The following ERN1 variants were observed in gnomAD, a reference collection of about 807,000 sequenced individuals.
ERN1 encodes the protein serine/threonine-protein kinase/endoribonuclease IRE1.
A neutral mutation model predicts 113.1 loss-of-function variants in ERN1; 39 were observed. The observed-to-expected ratio is 0.34, with a 90% CI of 0.27 to 0.45. The LOEUF (loss-of-function observed/expected upper bound fraction) is 0.45. Ranked by LOEUF, ERN1 falls within the 20% of genes least tolerant of loss-of-function variation. The pLI is 1.00. For missense variants in ERN1, 976 were observed against 1,274.8 expected (o/e 0.77, Z 3.57); for synonymous variants, 507 against 515.9 (o/e 0.98, Z 0.23).
rs543520401 is a variant in ERN1, at chr17:64,073,574, C to T, written c.356-1471G>A. 5.3e-5 allele frequency among the ~76,000 whole-genome samples: 8 copies of T among 152,176 alleles called. 1 individual carries two copies. Among genetic ancestry groups the T allele is most frequent in the African/African-American group, 1.9e-4 (8 of 41,516 alleles). On this transcript the variant is annotated intron_variant, in intron 5 of 21. Transcript: ENST00000433197. ...TGGTGCAATCTCAGCTCACTGCAACCTCCGCCTCCAGGGTTCAAGCGATAC... is the reference window on the plus strand; with the variant it reads ...TGGTGCAATCTCAGCTCACTGCAACTTCCGCCTCCAGGGTTCAAGCGATAC...
rs77359545 is a variant in ERN1 at position 64,066,012 on chromosome 17, C to T, written c.842+659G>A. Among the ~76,000 whole-genome samples the T allele has an allele frequency of 3.5e-4, 53 of 152,160 alleles. No individual in the cohort carries two copies. In the East Asian group the frequency reaches 0.01, roughly 29 times the overall value. ...GCTGTTTTACAATCTAAACACTTGC[C>T]GGCATATTATCTTGTTTGATCTTCC... On this transcript the variant is annotated intron_variant, in intron 8 of 21. Transcript: ENST00000433197.
At chr17:64,060,962 G>A (rs910586663) in intron 10 of ERN1, among the ~76,000 whole-genome samples, 1 of 152,104 alleles carries the variant, frequency 6.6e-6, no homozygotes, top group Non-Finnish European at 1.5e-5. Context: ...GCTTTTTCCT[G>A]TAACATCACT....
chr17:64,052,799 T>G lies in ERN1; in HGVS notation c.2234A>C (p.Glu745Ala). The change falls in exon 17 of 22, where the codon GAA (glutamate) becomes GCA (alanine). Residue 745 changes from glutamate to alanine, a missense_variant. Transcript: ENST00000433197. Reference protein sequence around the residue: ...EGWIAPEMLSEDCKENPTYTV... With the variant: ...EGWIAPEMLSADCKENPTYTV... ...ACTCACAGGGTTCTCCTTACAGTCTTCGCTCAGCATCTCTGGAGCGATCCA... is the reference window on the plus strand; with the variant it reads ...ACTCACAGGGTTCTCCTTACAGTCTGCGCTCAGCATCTCTGGAGCGATCCA... The G allele has an allele frequency of 6.2e-7, 1 of 1,613,964 alleles. No homozygotes were observed. Among genetic ancestry groups the G allele is most frequent in the Admixed American group, 1.7e-5 (1 of 60,024 alleles).
intron 2 of ERN1, among the ~76,000 whole-genome samples, chr17:64,094,237 G>A (rs1914166509): frequency 6.6e-6 from 1 of 152,168 alleles, no homozygotes. Context: ...TCACCGTCCT[G>A]GAAATCCAGT....
chr17:64,075,471 C>T (rs1016509533), intron 4 of ERN1, among the ~76,000 whole-genome samples: 26 of 152,216 alleles, frequency 1.7e-4, no homozygotes, highest in South Asian at 4.1e-4. Context: ...CTCATTCTGT[C>T]GCCCAGGCTG....
chr17:64,061,269 G>A (rs759272148), intron 10 of ERN1, among the ~76,000 whole-genome samples: 1 of 152,206 alleles, frequency 6.6e-6, no homozygotes, highest in African/African-American at 2.4e-5. Context: ...GGATTTGATA[G>A]GGCTTGATAA....
chr17:64,102,466 C>T (rs955518675), intron 1 of ERN1, among the ~76,000 whole-genome samples: 1 of 152,168 alleles, frequency 6.6e-6, no homozygotes, highest in Non-Finnish European at 1.5e-5. Flanking sequence ...TCAACTGTAC[C>T]AAATCGAAAC....
intron 16 of ERN1, 109 bp downstream of exon 16, chr17:64,053,163 G>C: frequency 1.0e-6 from 1 of 981,276 alleles, no homozygotes; most frequent in East Asian, 2.6e-5. Context: ...TGGTGATATA[G>C]CCAAGAGCTT....
chr17:64,063,969 G>A lies in ERN1; in HGVS notation c.1087+17C>T. The A allele has an allele frequency of 1.2e-6, 2 of 1,612,452 alleles. No individual in the cohort carries two copies. Among genetic ancestry groups the A allele is most frequent in the Non-Finnish European group, 1.7e-6 (2 of 1,178,998 alleles). Reference sequence around the variant, plus strand: ...GCACGCTGTCACCTCAGGCTACTGTGGGAGACCTGCTCTTACCTATCAGAA... The same window carrying A: ...GCACGCTGTCACCTCAGGCTACTGTAGGAGACCTGCTCTTACCTATCAGAA... On this transcript the variant is annotated intron_variant, in intron 10 of 21. Coordinates refer to ENST00000433197, the MANE Select transcript of ERN1 (RefSeq NM_001433.5). This position sits in a 1 kb window ranked among gnomAD's most constrained non-coding sequence, Gnocchi z 5.1.
chr17:64,077,768 T>C (rs533936106), intron 4 of ERN1, among the ~76,000 whole-genome samples: 84 of 151,182 alleles, frequency 5.6e-4, no homozygotes, highest in African/African-American at 2.0e-3. Flanking sequence ...TTTTTTGAGA[T>C]GGAGTCTCGC....
At chr17:64,055,574 C>T in intron 13 of ERN1, 101 bp downstream of exon 13, 1 of 1,126,982 alleles carries the variant, frequency 8.9e-7, no homozygotes, top group South Asian at 1.8e-5. Flanking sequence ...CACAGTGAAC[C>T]CCTGAGAATG....
chr17:64,101,017 C>T (rs919330103), intron 1 of ERN1, among the ~76,000 whole-genome samples: 3 of 152,144 alleles, frequency 2.0e-5, no homozygotes, highest in African/African-American at 7.2e-5. Flanking sequence ...ATAAATTCCC[C>T]TCTTTGCTTA....
chr17:64,103,279 T>C (rs1335254064), intron 1 of ERN1, among the ~76,000 whole-genome samples: 4 of 152,140 alleles, frequency 2.6e-5, no homozygotes, highest in African/African-American at 9.6e-5. Flanking sequence ...GGCGGATCAC[T>C]TGAGGTCAGG....
At chr17:64,117,456 G>C (rs1479838965) in intron 1 of ERN1, among the ~76,000 whole-genome samples, 1 of 151,262 alleles carries the variant, frequency 6.6e-6, no homozygotes, top group Non-Finnish European at 1.5e-5. Flanking sequence ...AAAAAAGAAA[G>C]AAAAAGAAAA....
chr17:64,067,951 C>T (rs1290967169), intron 7 of ERN1: 5 of 461,284 alleles, frequency 1.1e-5, no homozygotes, highest in East Asian at 7.0e-5. Flanking sequence ...GAGGGATGTC[C>T]TCCTTCCTCT....
intron 2 of ERN1, among the ~76,000 whole-genome samples, chr17:64,084,138 T>C (rs1043289914): frequency 6.6e-6 from 1 of 152,030 alleles, no homozygotes; most frequent in Non-Finnish European, 1.5e-5. Flanking sequence ...CACCAACGCC[T>C]CAGCCTCTGC....
chr17:64,043,029 G>C lies in ERN1; in HGVS notation c.*959C>G, dbSNP rs984684403. The C allele has an allele frequency of 2.0e-5, 3 of 152,348 alleles. No homozygotes were observed. The highest frequency in any genetic ancestry group is 4.4e-5 in the Non-Finnish European group (3 of 68,046). 9.4% of individuals were successfully genotyped at this position (152,348 alleles called of 1,614,324 possible). On this transcript the variant is annotated 3_prime_UTR_variant, in exon 22 of 22. Coordinates refer to ENST00000433197, the MANE Select transcript of ERN1 (RefSeq NM_001433.5). ...ACCCACCCTGGCCCTGACTCACCAC[G>C]AGCCTCTTGTTCCACCGGCCTTGGG...
chr17:64,075,329 A>G, intron 4 of ERN1, 82 bp from the exon 5 acceptor site: 1 of 1,199,184 alleles, frequency 8.3e-7, no homozygotes, highest in Non-Finnish European at 1.1e-6. Flanking sequence ...GTTTGTTTCT[A>G]TTACCTAATT....
chr17:64,059,582 C>G (rs1403823765), intron 11 of ERN1, among the ~76,000 whole-genome samples: 1 of 152,210 alleles, frequency 6.6e-6, no homozygotes, highest in East Asian at 1.9e-4. Context: ...AATGGCTTCC[C>G]CAACCCCCTG....
Sources: allele counts gnomAD v4.1 joint callset (sites outside exome capture counted in the v4.1 genomes callset), GRCh38; gene constraint gnomAD v4.1.1; non-coding constraint Gnocchi (gnomAD v3.1); transcripts MANE v1.5; gene names NCBI Gene and HGNC (gene_info 2026-07-23, HGNC 2026-07-21).